Variants in ENTPD1 observed in about 807,000 individuals in gnomAD.
ENTPD1 encodes the protein ectonucleoside triphosphate diphosphohydrolase 1, also known as ATP diphosphohydrolase.
Under a neutral mutation model 57.0 loss-of-function variants are expected in ENTPD1, and 33 were observed. That is an observed-to-expected ratio of 0.58 (90% CI 0.44 to 0.77). ENTPD1 has a LOEUF of 0.77. ENTPD1 is among the 30% of genes least tolerant of loss of function. ENTPD1 has a pLI of 0.00. For missense variants in ENTPD1, 501 were observed against 603.4 expected, an observed-to-expected ratio of 0.83 and a Z score of 1.78; for synonymous variants, 202 against 218.8, an observed-to-expected ratio of 0.92 and a Z score of 0.68.
At chr10:95,840,673 C>T (rs1037336148) in intron 3 of ENTPD1, among the ~76,000 whole-genome samples, 4 of 152,208 alleles carry the variant, frequency 2.6e-5, no homozygotes, top group African/African-American at 9.7e-5. Context: ...TGAGCTGCTG[C>T]ATTATATATC....
At chr10:95,701,566 T>C in the ENTPD1 span, among the ~76,000 whole-genome samples, 4 of 152,176 alleles carry the variant, frequency 2.6e-5, no homozygotes, top group Non-Finnish European at 5.9e-5. Flanking sequence ...AAATAAGTGA[T>C]TTTAAAATTC....
Position 95,871,053 on chromosome 10 carries a change from G to T in ENTPD1, c.*4670G>T. 1.0e-6 allele frequency: 1 copy of T among 985,126 alleles called. No individual in the cohort carries two copies. The highest frequency in any genetic ancestry group is 1.2e-6 in the Non-Finnish European group (1 of 829,926). 61.0% of individuals were successfully genotyped at this position (985,126 alleles called of 1,614,324 possible). On this transcript the variant is annotated 3_prime_UTR_variant, in exon 10 of 10. Coordinates refer to ENST00000371205, the MANE Select transcript of ENTPD1 (RefSeq NM_001776.6). ...AGAGGAAACTAGGATGCCTCTTAAGGTCTTGGTCAGGATGGGGTCTCCTGT... is the reference window on the plus strand; with the variant it reads ...AGAGGAAACTAGGATGCCTCTTAAGTTCTTGGTCAGGATGGGGTCTCCTGT...
chr10:95,852,518 T>C (rs2098447189), intron 7 of ENTPD1, among the ~76,000 whole-genome samples: 1 of 152,230 alleles, frequency 6.6e-6, no homozygotes, highest in African/African-American at 2.4e-5. Context: ...GCCCATGTCC[T>C]GAATAGTATT....
At chr10:95,709,630 G>A (rs28445650), upstream of ENTPD1, among the ~76,000 whole-genome samples, 25,369 of 151,964 alleles carry the variant, frequency 0.17, 2,533 homozygotes, top group African/African-American at 0.27. Context: ...GCAATCCGCC[G>A]GCCTTGGCCT....
intron 1 of ENTPD1, among the ~76,000 whole-genome samples, chr10:95,721,751 G>A (rs1001821479): frequency 2.6e-5 from 4 of 151,802 alleles, no homozygotes; most frequent in South Asian, 4.1e-4. Flanking sequence ...GTGCTAGAGC[G>A]TCTTCTATGG....
intron 1 of ENTPD1, among the ~76,000 whole-genome samples, chr10:95,786,530 A>G (rs1307323562): frequency 6.6e-6 from 1 of 152,136 alleles, no homozygotes; most frequent in African/African-American, 2.4e-5. Flanking sequence ...TTAGAATCTG[A>G]GACTAATGTT....
chr10:95,870,186 G>C lies in ENTPD1; in HGVS notation c.*3803G>C, dbSNP rs2098478895. 1.0e-6 allele frequency: 1 copy of C among 985,464 alleles called. No individual in the cohort carries two copies. 61.0% of individuals were successfully genotyped at this position (985,464 alleles called of 1,614,324 possible). On this transcript the variant is annotated 3_prime_UTR_variant, in exon 10 of 10. Coordinates refer to ENST00000371205, the MANE Select transcript of ENTPD1 (RefSeq NM_001776.6). ...CAGGGATGCCTGTTATTCAGTCCAA[G>C]ATGCATGACAAGAGACCTTGGGAAA...
chr10:95,813,370 A>G (rs2098316325), intron 1 of ENTPD1, among the ~76,000 whole-genome samples: 1 of 152,218 alleles, frequency 6.6e-6, no homozygotes, highest in South Asian at 2.1e-4. Context: ...TGGTGACCTT[A>G]GGTGGAGTTT....
At chr10:95,852,306 G>C (rs1195875897) in intron 7 of ENTPD1, among the ~76,000 whole-genome samples, 1 of 152,146 alleles carries the variant, frequency 6.6e-6, no homozygotes, top group Non-Finnish European at 1.5e-5. Flanking sequence ...ATTTGTTTGA[G>C]TTCATTTTAG....
At chr10:95,854,268 C>G (rs1465748084) in intron 7 of ENTPD1, among the ~76,000 whole-genome samples, 1 of 152,148 alleles carries the variant, frequency 6.6e-6, no homozygotes, top group Admixed American at 6.5e-5. Flanking sequence ...TCTGTGGGAT[C>G]GGTGGTGATA....
intron 1 of ENTPD1, among the ~76,000 whole-genome samples, chr10:95,820,618 A>G (rs1286712759): frequency 1.3e-5 from 2 of 152,052 alleles, no homozygotes; most frequent in Non-Finnish European, 2.9e-5. Flanking sequence ...TTCTCCTCAA[A>G]TGTCACCTTC....
At chr10:95,743,847 C>T (rs1270754772) in intron 1 of ENTPD1, among the ~76,000 whole-genome samples, 1 of 151,350 alleles carries the variant, frequency 6.6e-6, no homozygotes, top group East Asian at 1.9e-4. Flanking sequence ...CTAGAGTCAC[C>T]TATTTATCAG....
At chr10:95,703,621 A>G in the ENTPD1 span, among the ~76,000 whole-genome samples, 3 of 151,746 alleles carry the variant, frequency 2.0e-5, no homozygotes, top group Non-Finnish European at 4.4e-5. Flanking sequence ...GTCTCTACTG[A>G]AAATACAAAA....
chr10:95,811,478 C>T (rs911536926), intron 1 of ENTPD1, among the ~76,000 whole-genome samples: 2 of 152,298 alleles, frequency 1.3e-5, no homozygotes, highest in Admixed American at 6.5e-5. Flanking sequence ...TTAGAACTCT[C>T]GAGCTCAAGC....
At chr10:95,839,953 A>T in intron 3 of ENTPD1, 145 bp downstream of exon 3, 5 of 759,026 alleles carry the variant, frequency 6.6e-6, no homozygotes, top group Non-Finnish European at 8.9e-6. Context: ...TTGTTATGTT[A>T]TCGTTACAGA....
upstream of ENTPD1, among the ~76,000 whole-genome samples, chr10:95,709,382 G>GT (rs1429917963): frequency 6.6e-6 from 1 of 151,088 alleles, no homozygotes; most frequent in South Asian, 2.1e-4. Flanking sequence ...CTGTTTGTTT[G>GT]TTTTTTCTTT....
At chr10:95,804,223 TCTTCC>T (rs769641055) in intron 1 of ENTPD1, among the ~76,000 whole-genome samples, 5 of 152,336 alleles carry the variant, frequency 3.3e-5, no homozygotes, top group Admixed American at 1.3e-4. Context: ...AAAGTAGTTT[TCTTCC>T]AATTCTGTGA....
At chr10:95,760,475 C>T (rs2098052769) in intron 1 of ENTPD1, among the ~76,000 whole-genome samples, 1 of 152,198 alleles carries the variant, frequency 6.6e-6, no homozygotes, top group African/African-American at 2.4e-5. Flanking sequence ...CAGAGTTTAT[C>T]CTTCACTATG....
At chr10:95,742,411 C>T (rs540873564) in intron 1 of ENTPD1, among the ~76,000 whole-genome samples, 8 of 152,182 alleles carry the variant, frequency 5.3e-5, no homozygotes, top group African/African-American at 1.9e-4. Flanking sequence ...AGTCGCTACT[C>T]CTTCCTGTCC....
Sources: gnomAD v4.1 joint callset for allele counts (sites outside exome capture counted in the v4.1 genomes callset) on GRCh38, gnomAD v4.1.1 for gene constraint, MANE v1.5 for transcripts, NCBI Gene and HGNC (gene_info 2026-07-23, HGNC 2026-07-21) for gene names.